Variants in STX7 observed in about 807,000 individuals in gnomAD.
STX7 encodes syntaxin-7.
Under a neutral mutation model 39.6 loss-of-function variants are expected in STX7, and 34 were observed. The ratio of observed to expected loss-of-function variants is 0.86; its 90% CI spans 0.65 to 1.14. The LOEUF (loss-of-function observed/expected upper bound fraction) is 1.14. STX7 is among the 50% of genes most tolerant of loss of function. The pLI is 0.00. For synonymous variants in STX7, 119 were observed against 99.1 expected (o/e 1.20, Z -1.19); for missense variants, 284 against 310.4 (o/e 0.92, Z 0.64).
chr6:132,491,549 C>T (rs1412819893), intron 2 of STX7, among the ~76,000 whole-genome samples: 2 of 152,136 alleles, frequency 1.3e-5, no homozygotes, highest in Admixed American at 6.5e-5. Flanking sequence ...GTTTCTGGCT[C>T]GCTGCCATTC....
At position 132,446,753 on chromosome 6, in the gene STX7, A is replaced by G. The variant is rs1461571889; in HGVS notation, c.*14005T>C. On this transcript the variant is annotated 3_prime_UTR_variant, in exon 10 of 10. Coordinates refer to ENST00000367941, the MANE Select transcript of STX7 (RefSeq NM_003569.3). ...ACATTCCACACACTGCCCTAATTGGATCACCAATTGGAGGAAAGTAAGTCA... is the reference window on the plus strand; with the variant it reads ...ACATTCCACACACTGCCCTAATTGGGTCACCAATTGGAGGAAAGTAAGTCA... The G allele has an allele frequency of 1.3e-5, 2 of 152,202 alleles. No individual in the cohort carries two copies. The highest frequency in any genetic ancestry group is 2.9e-5 in the Non-Finnish European group (2 of 68,046). The allele number at this position is 152,202 out of a possible 1,614,324, so 9.4% of individuals were successfully genotyped here.
At chr6:132,501,112 T>C (rs1225204540) in intron 2 of STX7, among the ~76,000 whole-genome samples, 2 of 149,698 alleles carry the variant, frequency 1.3e-5, no homozygotes, top group Non-Finnish European at 3.0e-5. Context: ...CAGGCTGGAG[T>C]TCAATGGCGT....
At chr6:132,507,347 T>C (rs895791254) in intron 1 of STX7, among the ~76,000 whole-genome samples, 2 of 152,250 alleles carry the variant, frequency 1.3e-5, no homozygotes, top group Non-Finnish European at 2.9e-5. Flanking sequence ...ACAATACACC[T>C]ACTTGAAGTA....
intron 1 of STX7, among the ~76,000 whole-genome samples, chr6:132,504,044 C>T (rs995262329): frequency 6.6e-6 from 1 of 152,110 alleles, no homozygotes; most frequent in Non-Finnish European, 1.5e-5. Context: ...TCAGGCTATC[C>T]CCAGAAATTT....
rs138793315 is a variant in STX7, at chr6:132,500,025, G to A, written c.85+3421C>T. Among the ~76,000 whole-genome samples, 13 of 152,024 alleles carry A rather than the reference G, an allele frequency of 8.6e-5. 1 individual carries two copies. The East Asian group carries it at 2.5e-3, about 29-fold the overall frequency. On this transcript the variant is annotated intron_variant, in intron 2 of 9. Transcript: ENST00000367941. ...CTACCCACATGCATCAGCAAGTCCC[G>A]CTGGCTCTACCTCCAAAACACACTC...
At chr6:132,508,928 T>C (rs141453670) in intron 1 of STX7, among the ~76,000 whole-genome samples, 117 of 152,344 alleles carry the variant, frequency 7.7e-4, no homozygotes, top group African/African-American at 2.1e-3. Flanking sequence ...TTCCTAAGCA[T>C]TGTGCTTATG....
intron 2 of STX7, among the ~76,000 whole-genome samples, chr6:132,489,043 G>T (rs1775211394): frequency 6.6e-6 from 1 of 151,626 alleles, no homozygotes. Flanking sequence ...CTCTTCTAAA[G>T]ATACAAAAAT....
At chr6:132,509,702 G>T (rs1775801038) in intron 1 of STX7, among the ~76,000 whole-genome samples, 1 of 151,998 alleles carries the variant, frequency 6.6e-6, no homozygotes, top group African/African-American at 2.4e-5. Context: ...TATCTAAAAG[G>T]CAACAACAGT....
At chr6:132,476,802 A>G (rs1036472026) in intron 2 of STX7, among the ~76,000 whole-genome samples, 2 of 152,050 alleles carry the variant, frequency 1.3e-5, no homozygotes, top group South Asian at 4.1e-4. Context: ...TTTTTAAAAA[A>G]GGCTCTACAC....
intron 1 of STX7, among the ~76,000 whole-genome samples, chr6:132,504,799 G>T (rs77545979): frequency 6.6e-6 from 1 of 152,290 alleles, no homozygotes; most frequent in East Asian, 1.9e-4. Flanking sequence ...AAGAAAAAAT[G>T]ACCATCATCC....
intron 2 of STX7, among the ~76,000 whole-genome samples, chr6:132,476,505 A>G (rs1461022143): frequency 6.6e-6 from 1 of 152,172 alleles, no homozygotes; most frequent in Admixed American, 6.5e-5. Context: ...GAATTAAAAT[A>G]CCCAAAAGAC....
chr6:132,497,710 C>A (rs1177598451), intron 2 of STX7, among the ~76,000 whole-genome samples: 2 of 152,084 alleles, frequency 1.3e-5, no homozygotes, highest in Non-Finnish European at 2.9e-5. Context: ...TGTGAAAATG[C>A]CTACTCTGGT....
intron 2 of STX7, among the ~76,000 whole-genome samples, chr6:132,486,664 G>GTTTTT (rs386408642): frequency 4.0e-5 from 5 of 125,144 alleles, no homozygotes; most frequent in African/African-American, 6.1e-5. Flanking sequence ...TTTTTTCTGG[G>GTTTTT]TTTTTTTTTT....
At chr6:132,489,722 C>G (rs1775229696) in intron 2 of STX7, among the ~76,000 whole-genome samples, 1 of 152,176 alleles carries the variant, frequency 6.6e-6, no homozygotes, top group Admixed American at 6.5e-5. Context: ...GCTCCCCTTC[C>G]CAGCACAGAA....
chr6:132,486,897 C>G (rs1368583675), intron 2 of STX7, among the ~76,000 whole-genome samples: 2 of 152,122 alleles, frequency 1.3e-5, no homozygotes, highest in African/African-American at 4.8e-5. Context: ...GAACTCCCGA[C>G]ATCAGGTGAT....
In STX7 at chr6:132,470,639, G is replaced by C. The variant is rs751871580; in HGVS notation, c.388-13C>G. On this transcript the variant is annotated splice_polypyrimidine_tract_variant and intron_variant, in intron 5 of 9. Transcript: ENST00000367941. ...CAGGAAAACTGCCCTGAATAATTTA[G>C]TAACAGGATGGAATGAGAAGGGGCA... 6.2e-7 allele frequency: 1 copy of C among 1,601,934 alleles called. No homozygotes were observed. The highest frequency in any genetic ancestry group is 1.7e-5 in the Admixed American group (1 of 59,480).
intron 2 of STX7, among the ~76,000 whole-genome samples, chr6:132,484,413 G>C (rs1775080689): frequency 6.6e-6 from 1 of 152,138 alleles, no homozygotes; most frequent in Non-Finnish European, 1.5e-5. Context: ...ATTGTAGGCT[G>C]AATTTGGTAT....
At chr6:132,511,851 T>TA (rs773334051) in intron 1 of STX7, among the ~76,000 whole-genome samples, 7 of 152,338 alleles carry the variant, frequency 4.6e-5, no homozygotes, top group Admixed American at 2.0e-4. Context: ...CATCAGCACT[T>TA]AAAGTTTGGG....
At chr6:132,485,828 C>T (rs1775119868) in intron 2 of STX7, among the ~76,000 whole-genome samples, 1 of 152,136 alleles carries the variant, frequency 6.6e-6, no homozygotes, top group Non-Finnish European at 1.5e-5. Context: ...GTTCAAATAA[C>T]AATATTGTCT....
Sources: gnomAD v4.1 joint callset for allele counts (sites outside exome capture counted in the v4.1 genomes callset) on GRCh38, gnomAD v4.1.1 for gene constraint, MANE v1.5 for transcripts, NCBI Gene and HGNC (gene_info 2026-07-23, HGNC 2026-07-21) for gene names.